IL1RAPL1: variants seen among roughly 807,000 people sequenced by gnomAD.
IL1RAPL1 encodes interleukin-1 receptor accessory protein-like 1.
In IL1RAPL1, 3 loss-of-function variants were observed where a neutral mutation model predicts 48.4. The observed-to-expected ratio is 0.06, with a 90% confidence interval of 0.03 to 0.16. IL1RAPL1 has a LOEUF of 0.16. Among genes scored for constraint, IL1RAPL1 ranks in the 10% least tolerant of loss-of-function variants. IL1RAPL1 has a pLI of 1.00. For synonymous variants in IL1RAPL1, 185 were observed against 187.7 expected, an observed-to-expected ratio of 0.99 and a Z score of 0.12; for missense variants, 349 against 530.6, an observed-to-expected ratio of 0.66 and a Z score of 3.36.
chrX:29,647,799 C>T (rs1925381415), intron 5 of IL1RAPL1, among the ~76,000 whole-genome samples: 1 of 111,402 alleles, frequency 9.0e-6, no homozygotes, highest in Non-Finnish European at 1.9e-5. Flanking sequence ...TAAGTCCTTA[C>T]CTATCAGTAA....
chrX:28,962,260 C>A (rs753331984), intron 2 of IL1RAPL1, among the ~76,000 whole-genome samples: 6 of 111,916 alleles, frequency 5.4e-5, no homozygotes, highest in Middle Eastern at 4.6e-3. Context: ...GGCTCTCTAG[C>A]AATGTTTTGT....
intron 1 of IL1RAPL1, among the ~76,000 whole-genome samples, chrX:28,621,434 A>T (rs1274442020): frequency 9.0e-6 from 1 of 111,543 alleles, no homozygotes; most frequent in African/African-American, 3.3e-5. Context: ...TGACCACTCT[A>T]TGCCACATTT....
rs771731391 is a variant in IL1RAPL1 at position 29,805,044 on chromosome X, CACTG to C, written c.779-112417_779-112414del. Among the ~76,000 whole-genome samples the C allele has an allele frequency of 5.3e-5, 6 of 112,445 alleles. No individual in the cohort carries two copies. The South Asian group carries it at 2.2e-3, about 41-fold the overall frequency. Reference sequence around the variant, plus strand: ...TGTCCTGCTAGCTTAGGAAGAATGACACTGACAATTATTTCCCTTAACCATTGTG... The same window carrying C: ...TGTCCTGCTAGCTTAGGAAGAATGACACAATTATTTCCCTTAACCATTGTG... On this transcript the variant is annotated intron_variant, in intron 6 of 10. Transcript: ENST00000378993.
chrX:28,717,468 G>A (rs1308545481), intron 1 of IL1RAPL1, among the ~76,000 whole-genome samples: 1 of 111,039 alleles, frequency 9.0e-6, no homozygotes. Context: ...GACACATAGA[G>A]GTGAACAGCA....
At chrX:29,576,606 CT>C (rs1482047868) in intron 5 of IL1RAPL1, among the ~76,000 whole-genome samples, 1 of 111,190 alleles carries the variant, frequency 9.0e-6, no homozygotes, top group Admixed American at 9.6e-5. Flanking sequence ...AAACTGTTGG[CT>C]TTTCTTTTTT....
chrX:29,234,950 C>T (rs1329884443), intron 2 of IL1RAPL1, among the ~76,000 whole-genome samples: 3 of 112,229 alleles, frequency 2.7e-5, no homozygotes, highest in Non-Finnish European at 5.6e-5. Flanking sequence ...ACCTTTCCTT[C>T]CTGTCCTCCA....
chrX:29,832,857 T>C (rs942201877), intron 6 of IL1RAPL1, among the ~76,000 whole-genome samples: 1 of 110,339 alleles, frequency 9.1e-6, no homozygotes, highest in African/African-American at 3.3e-5. Context: ...GGCTTTGATG[T>C]TCACTGTCAG....
chrX:28,892,648 T>G (rs754258526), intron 2 of IL1RAPL1, among the ~76,000 whole-genome samples: 45 of 109,413 alleles, frequency 4.1e-4, no homozygotes, highest in Admixed American at 8.9e-4. Flanking sequence ...AAAATTTTCG[T>G]GGTGGTGTGG....
Position 29,252,206 on chromosome X carries a change from G to T in IL1RAPL1, c.83-30732G>T, listed in dbSNP as rs1178774628. ...GGTGCAGCACACCAGCATGGCACAT[G>T]TATACATATGTAACTAACCTGCACA... On this transcript the variant is annotated intron_variant, in intron 2 of 10. Transcript: ENST00000378993. 3.6e-5 allele frequency among the ~76,000 whole-genome samples: 4 copies of T among 111,255 alleles called. No individual in the cohort carries two copies. The East Asian group carries it at 1.1e-3, about 30-fold the overall frequency.
At chrX:29,373,462 G>C (rs1161447766) in intron 3 of IL1RAPL1, among the ~76,000 whole-genome samples, 2 of 111,639 alleles carry the variant, frequency 1.8e-5, no homozygotes, top group Non-Finnish European at 1.9e-5. Context: ...CATTGAATAG[G>C]AGTGGTCAGA....
chrX:29,018,408 C>T (rs1288660724), intron 2 of IL1RAPL1, among the ~76,000 whole-genome samples: 5 of 112,065 alleles, frequency 4.5e-5, no homozygotes, highest in Non-Finnish European at 7.5e-5. Flanking sequence ...GATAGGACTA[C>T]ATTGATTTTG....
chrX:29,334,829 C>T (rs766098350), intron 3 of IL1RAPL1, among the ~76,000 whole-genome samples: 5 of 111,328 alleles, frequency 4.5e-5, no homozygotes, highest in South Asian at 7.7e-4. Context: ...ATATCCCAGA[C>T]GATGGGGGGC....
chrX:29,873,028 G>T (rs1283663903), intron 6 of IL1RAPL1, among the ~76,000 whole-genome samples: 1 of 111,556 alleles, frequency 9.0e-6, no homozygotes. Flanking sequence ...AATCACAAGT[G>T]GTTCCCTTTG....
At chrX:29,393,137 G>GT (rs1267951102) in intron 3 of IL1RAPL1, among the ~76,000 whole-genome samples, 2 of 101,860 alleles carry the variant, frequency 2.0e-5, no homozygotes, top group Non-Finnish European at 4.0e-5. Flanking sequence ...CTAGTTTTCT[G>GT]TTTTTTGAGA....
intron 5 of IL1RAPL1, among the ~76,000 whole-genome samples, chrX:29,589,259 C>T (rs1923289853): frequency 9.0e-6 from 1 of 111,416 alleles, no homozygotes. Flanking sequence ...TATCATTTTT[C>T]CCTCATTCAA....
chrX:29,605,116 AC>A (rs1923849521), intron 5 of IL1RAPL1, among the ~76,000 whole-genome samples: 14 of 99,691 alleles, frequency 1.4e-4, no homozygotes, highest in African/African-American at 5.2e-4. Flanking sequence ...ACACACACAC[AC>A]ACACACACAC....
At chrX:28,592,862 T>C (rs183879288) in intron 1 of IL1RAPL1, among the ~76,000 whole-genome samples, 116 of 111,949 alleles carry the variant, frequency 1.0e-3, no homozygotes, top group Non-Finnish European at 2.8e-4. Flanking sequence ...TCTGACTTCA[T>C]TGATGCCTAT....
intron 6 of IL1RAPL1, among the ~76,000 whole-genome samples, chrX:29,816,998 C>A (rs1174148073): frequency 1.8e-5 from 2 of 108,371 alleles, no homozygotes; most frequent in Non-Finnish European, 3.8e-5. Flanking sequence ...ATATATATAT[C>A]TCCTCTGCTC....
intron 8 of IL1RAPL1, among the ~76,000 whole-genome samples, chrX:29,925,410 C>CTTTTTTT (rs1569204989): frequency 4.9e-4 from 3 of 6,077 alleles, no homozygotes; most frequent in African/African-American, 1.1e-3. Context: ...TGTCCCGTAA[C>CTTTTTTT]TGTTTTTTTT....
Sources: allele counts gnomAD v4.1 joint callset (sites outside exome capture counted in the v4.1 genomes callset), GRCh38; gene constraint gnomAD v4.1.1; transcripts MANE v1.5; gene names NCBI Gene and HGNC (gene_info 2026-07-23, HGNC 2026-07-21).